ACSM1: variants seen among roughly 807,000 people sequenced by gnomAD.
ACSM1 encodes the protein acyl-coenzyme A synthetase ACSM1, mitochondrial.
A neutral mutation model predicts 75.8 loss-of-function variants in ACSM1; 79 were observed. The ratio of observed to expected loss-of-function variants is 1.04; its 90% CI spans 0.87 to 1.26. The LOEUF is 1.26. ACSM1 is among the 50% of genes most tolerant of loss of function. The pLI, the probability that ACSM1 is intolerant of heterozygous loss-of-function variation, is 0.00. For synonymous variants in ACSM1, 279 were observed against 265.8 expected, an observed-to-expected ratio of 1.05 and a Z score of -0.48; for missense variants, 676 against 720.1, an observed-to-expected ratio of 0.94 and a Z score of 0.70.
intron 11 of ACSM1, 87 bp from the exon 12 acceptor site, chr16:20,625,609 T>G: frequency 7.9e-7 from 1 of 1,259,836 alleles, no homozygotes; most frequent in East Asian, 2.5e-5. Flanking sequence ...CAGCTTCCTT[T>G]GGCACAGAGG....
At chr16:20,677,444 T>C (rs1322814710) in intron 4 of ACSM1, among the ~76,000 whole-genome samples, 1 of 152,196 alleles carries the variant, frequency 6.6e-6, no homozygotes, top group East Asian at 1.9e-4. Flanking sequence ...TAGCTGCCAC[T>C]GCCCTACTGG....
chr16:20,696,310 G>A (rs780617683), intron 1 of ACSM1, among the ~76,000 whole-genome samples: 1 of 152,022 alleles, frequency 6.6e-6, no homozygotes, highest in African/African-American at 2.4e-5. Flanking sequence ...TCTCTGTTTC[G>A]ATATCTATTT....
At chr16:20,633,273 C>T (rs1016452670) in intron 10 of ACSM1, among the ~76,000 whole-genome samples, 13 of 152,124 alleles carry the variant, frequency 8.5e-5, no homozygotes, top group African/African-American at 2.9e-4. Flanking sequence ...AAGAATTTTA[C>T]ACACTCAAAA....
chr16:20,662,067 G>T (rs140011050), intron 6 of ACSM1, among the ~76,000 whole-genome samples, 194 bp from the exon 7 acceptor site: 1 of 152,116 alleles, frequency 6.6e-6, no homozygotes, highest in Non-Finnish European at 1.5e-5. Context: ...ATACAAAAAC[G>T]CAGATAACGT....
At chr16:20,634,103 G>A (rs987402648) in intron 10 of ACSM1, among the ~76,000 whole-genome samples, 6 of 152,120 alleles carry the variant, frequency 3.9e-5, no homozygotes, top group African/African-American at 1.4e-4. Context: ...TTTAAGTATA[G>A]GTGCCAAAAC....
chr16:20,625,536 G>C lies in ACSM1; in HGVS notation c.1428-14C>G. On this transcript the variant is annotated splice_polypyrimidine_tract_variant and intron_variant, in intron 11 of 13. Transcript: ENST00000520010. ...CCGATGCGATACCTGGAGGATGAAG[G>C]GTTCTGAGGCAGATGCCAGGGCTGG... 3.1e-6 allele frequency: 5 copies of C among 1,611,944 alleles called. No individual in the cohort carries two copies. Among genetic ancestry groups the C allele is most frequent in the Non-Finnish European group, 3.4e-6 (4 of 1,178,734 alleles).
intron 7 of ACSM1, among the ~76,000 whole-genome samples, chr16:20,644,183 C>T (rs933916374): frequency 3.3e-5 from 5 of 152,198 alleles, no homozygotes; most frequent in African/African-American, 1.2e-4. Flanking sequence ...AAAATCCTAA[C>T]CAAGTAACCC....
chr16:20,624,228 G>A lies in ACSM1; in HGVS notation c.1528-13C>T. Reference sequence around the variant, plus strand: ...AGGCCTTCACCACCTGCAGAATGAAGTCATGGGCTCACAGTGAGTGCCAAC... The same window carrying A: ...AGGCCTTCACCACCTGCAGAATGAAATCATGGGCTCACAGTGAGTGCCAAC... On this transcript the variant is annotated splice_polypyrimidine_tract_variant and intron_variant, in intron 12 of 13. Coordinates refer to ENST00000520010, the MANE Select transcript of ACSM1 (RefSeq NM_001318890.3). The A allele has an allele frequency of 1.9e-6, 3 of 1,602,304 alleles. No individual in the cohort carries two copies. Among genetic ancestry groups the A allele is most frequent in the Admixed American group, 1.7e-5 (1 of 59,300 alleles).
At chr16:20,642,899 C>G (rs1484093727) in intron 7 of ACSM1, among the ~76,000 whole-genome samples, 1 of 152,200 alleles carries the variant, frequency 6.6e-6, no homozygotes, top group African/African-American at 2.4e-5. Flanking sequence ...TCCTTTAAAA[C>G]CAGGGTAAAT....
At position 20,625,519 on chromosome 16, in the gene ACSM1, A is replaced by T; in HGVS notation, c.1431T>A (p.Tyr477Ter). ...RSDDIINASG[Y>*]RIGPAEVESA... ...TTTCAACCTCTGCAGGCCCGATGCG[A>T]TACCTGGAGGATGAAGGGTTCTGAG... The change falls in exon 12 of 14, where the codon TAT becomes TAA. Residue 477 changes from tyrosine to a stop codon, truncating the protein, a stop_gained. Coordinates refer to ENST00000520010, the MANE Select transcript of ACSM1 (RefSeq NM_001318890.3). LOFTEE classifies it high-confidence loss of function. 6.2e-7 allele frequency: 1 copy of T among 1,613,860 alleles called. No homozygotes were observed. Among genetic ancestry groups the T allele is most frequent in the South Asian group, 1.1e-5 (1 of 91,002 alleles).
In ACSM1 at chr16:20,697,281, T is replaced by G. The variant is rs147497283; in HGVS notation, c.-52+355A>C. ...TTCACTTTATAGAAAGTGAGCCAAC[T>G]TCTGCATAGATAGAAAAGATTTCCT... On this transcript the variant is annotated intron_variant, in intron 1 of 13. Transcript: ENST00000520010. Among the ~76,000 whole-genome samples the G allele has an allele frequency of 7.6e-3, 1,151 of 152,238 alleles. 10 individuals are homozygous for G. Among genetic ancestry groups the G allele is most frequent in the African/African-American group, 0.027 (1,122 of 41,514 alleles).
intron 13 of ACSM1, among the ~76,000 whole-genome samples, chr16:20,623,773 G>C (rs1177203048): frequency 6.6e-6 from 1 of 152,220 alleles, no homozygotes; most frequent in Non-Finnish European, 1.5e-5. Flanking sequence ...CTTTGACCCA[G>C]GAGATGTGAG....
At chr16:20,654,220 G>A (rs1388806712) in intron 7 of ACSM1, among the ~76,000 whole-genome samples, 1 of 152,082 alleles carries the variant, frequency 6.6e-6, no homozygotes, top group Non-Finnish European at 1.5e-5. Flanking sequence ...AGCTGAAACT[G>A]GATCCCTTCC....
At chr16:20,651,008 C>T (rs896458786) in intron 7 of ACSM1, among the ~76,000 whole-genome samples, 6 of 147,098 alleles carry the variant, frequency 4.1e-5, no homozygotes, top group Admixed American at 2.7e-4. Context: ...GAAGTAATAG[C>T]TATGGGAACT....
At chr16:20,653,456 G>C (rs2018766299) in intron 7 of ACSM1, among the ~76,000 whole-genome samples, 1 of 152,166 alleles carries the variant, frequency 6.6e-6, no homozygotes, top group Non-Finnish European at 1.5e-5. Context: ...AAAAGAGGAA[G>C]TCAAATTGAC....
At chr16:20,651,189 C>T (rs773697262) in intron 7 of ACSM1, among the ~76,000 whole-genome samples, 1 of 152,132 alleles carries the variant, frequency 6.6e-6, no homozygotes, top group Non-Finnish European at 1.5e-5. Flanking sequence ...AAATTTAAGA[C>T]GATTTAGCTG....
At chr16:20,686,074 A>G (rs533157334) in intron 2 of ACSM1, among the ~76,000 whole-genome samples, 1 of 152,262 alleles carries the variant, frequency 6.6e-6, no homozygotes, top group South Asian at 2.1e-4. Flanking sequence ...TATTACCTAG[A>G]AAGTAGCAAA....
chr16:20,640,570 G>A lies in ACSM1; in HGVS notation c.1007C>T (p.Ala336Val), dbSNP rs774706434. 13 of 1,614,016 alleles carry A rather than the reference G, an allele frequency of 8.1e-6. No individual in the cohort carries two copies. The African/African-American group carries it at 1.7e-4, about 22-fold the overall frequency. Residue 336 changes from alanine to valine, a missense_variant, in exon 8 of 14, where the codon GCC becomes GTC. Transcript: ENST00000520010. ...QQDFTSIRFP[A>V]LEHCYTGGEV... ...CCCGCCAGTATAGCAGTGCTCCAGG[G>A]CAGGGAACCTGATGCTTAGAGGAAG...
intron 1 of ACSM1, among the ~76,000 whole-genome samples, chr16:20,692,444 G>T (rs568721081): frequency 3.9e-5 from 6 of 152,318 alleles, no homozygotes; most frequent in Admixed American, 3.9e-4. Flanking sequence ...GAAGACCTGG[G>T]ATTAATGGCA....
Sources: gnomAD v4.1 joint callset for allele counts (sites outside exome capture counted in the v4.1 genomes callset) on GRCh38, gnomAD v4.1.1 for gene constraint, MANE v1.5 for transcripts, NCBI Gene and HGNC (gene_info 2026-07-23, HGNC 2026-07-21) for gene names.